Variants in TRIP11 observed in about 807,000 individuals in gnomAD.
TRIP11 encodes the protein thyroid hormone receptor interactor 11, also known as thyroid receptor-interacting protein 11.
Under a neutral mutation model 223.1 loss-of-function variants are expected in TRIP11, and 148 were observed. The ratio of observed to expected loss-of-function variants is 0.66; its 90% CI spans 0.58 to 0.76. TRIP11 has a LOEUF of 0.76. Ranked by LOEUF, TRIP11 falls within the 30% of genes least tolerant of loss-of-function variation. The pLI, the probability that TRIP11 is intolerant of heterozygous loss-of-function variation, is 0.00. For synonymous variants in TRIP11, 762 were observed against 772.6 expected (o/e 0.99, Z 0.23); for missense variants, 2,043 against 2,222.0 (o/e 0.92, Z 1.62).
chr14:91,974,655 C>T lies in TRIP11; in HGVS notation c.5546G>A (p.Arg1849Lys), dbSNP rs1179352127. The T allele has an allele frequency of 2.5e-6, 4 of 1,612,428 alleles. No individual in the cohort carries two copies. Among genetic ancestry groups the T allele is most frequent in the Admixed American group, 3.3e-5 (2 of 60,006 alleles). ...GSKSVPNTPL[R>K]PNQQSVVNSS... ...ATTAACCACAGATTGCTGATTTGGTCTCAAAGGTGTGTTGGGAACACTTTT... is the reference window on the plus strand; with the variant it reads ...ATTAACCACAGATTGCTGATTTGGTTTCAAAGGTGTGTTGGGAACACTTTT... The change falls in exon 19 of 21, where the codon AGA (arginine) becomes AAA (lysine). Residue 1849 changes from arginine to lysine, a missense_variant. By Grantham distance (26) the Arg-to-Lys change is conservative. Transcript: ENST00000267622.
chr14:92,018,097 CTTTT>C (rs560446477), intron 4 of TRIP11, among the ~76,000 whole-genome samples: 1 of 139,294 alleles, frequency 7.2e-6, no homozygotes, highest in Admixed American at 7.2e-5. Flanking sequence ...TTTTTCCTTT[CTTTT>C]TTTTTTTTTT....
chr14:92,014,579 T>C lies in TRIP11; in HGVS notation c.824-2A>G. The C allele has an allele frequency of 6.2e-7, 1 of 1,601,862 alleles. No homozygotes were observed. The highest frequency in any genetic ancestry group is 1.1e-5 in the South Asian group (1 of 89,904). On this transcript the variant is annotated splice_acceptor_variant, in intron 6 of 20. Coordinates refer to ENST00000267622, the MANE Select transcript of TRIP11 (RefSeq NM_004239.4). LOFTEE classifies it high-confidence loss of function. ...CAGTTTCTATAACTCCAGAGCCACCTAGAACATAAACACAAAACAATGACA... is the reference window on the plus strand; with the variant it reads ...CAGTTTCTATAACTCCAGAGCCACCCAGAACATAAACACAAAACAATGACA...
In TRIP11 at chr14:92,007,850, T is replaced by C. The variant is rs1260783301; in HGVS notation, c.1317A>G (p.Glu439=). The change falls in exon 10 of 21, where the codon GAA becomes GAG. Residue 439 remains glutamate, a splice_region_variant and synonymous_variant. Transcript: ENST00000267622. The stretch of plus-strand genomic sequence containing the variant: ...ATTTTAAAAGTGACATCTGAAGTTC[T>C]TCCTGAAATGATAAAAGGAAAAAAG... ...KEKSLLSQEK[E]ELQMSLLKLN... The C allele has an allele frequency of 1.9e-6, 3 of 1,604,222 alleles. No individual in the cohort carries two copies. The highest frequency in any genetic ancestry group is 1.7e-5 in the Admixed American group (1 of 58,770).
intron 2 of TRIP11, among the ~76,000 whole-genome samples, chr14:92,025,698 GA>G (rs2057175732): frequency 6.6e-6 from 1 of 152,024 alleles, no homozygotes; most frequent in African/African-American, 2.4e-5. Context: ...CCAACATAGG[GA>G]AACCCCATCT....
chr14:91,993,305 C>T (rs1793225187), intron 15 of TRIP11, among the ~76,000 whole-genome samples: 1 of 151,524 alleles, frequency 6.6e-6, no homozygotes, highest in South Asian at 2.1e-4. Flanking sequence ...GGTGAAACCC[C>T]ATCTCTATTA....
At chr14:92,014,748 A>T (rs180899166) in intron 6 of TRIP11, among the ~76,000 whole-genome samples, 171 bp from the exon 7 acceptor site, 2 of 152,334 alleles carry the variant, frequency 1.3e-5, no homozygotes, top group Non-Finnish European at 2.9e-5. Context: ...AAAATATTTG[A>T]ATCAACTACA....
At chr14:92,026,708 T>G (rs2057192488) in intron 2 of TRIP11, 1 of 1,018,170 alleles carries the variant, frequency 9.8e-7, no homozygotes, top group East Asian at 2.4e-5. Context: ...GACAATGAAG[T>G]AGATGAAGAA....
At chr14:91,991,633 T>G (rs139878988) in intron 15 of TRIP11, among the ~76,000 whole-genome samples, 1,710 of 152,338 alleles carry the variant, frequency 0.011, 15 homozygotes, top group Non-Finnish European at 0.017. Flanking sequence ...AAAACTCTTG[T>G]ATGTTTAGAA....
rs1196056752 is a variant in TRIP11 at position 91,966,625 on chromosome 14, A to G, written c.*3048T>C. 9.3e-6 allele frequency: 2 copies of G among 215,456 alleles called. No homozygotes were observed. The highest frequency in any genetic ancestry group is 1.9e-5 in the Non-Finnish European group (2 of 106,876). 13.3% of individuals were successfully genotyped at this position (215,456 alleles called of 1,614,324 possible). A position where few individuals can be genotyped will look rare whatever the true frequency, so the allele number is the denominator to read the frequency against. The stretch of plus-strand genomic sequence containing the variant: ...AAGGCTTTATTTGGGGAGATACTGG[A>G]CGTTTTAATTGACTAGTTGGAAAGA... On this transcript the variant is annotated 3_prime_UTR_variant, in exon 21 of 21. Coordinates refer to ENST00000267622, the MANE Select transcript of TRIP11 (RefSeq NM_004239.4).
chr14:92,029,589 C>T (rs1470147971), intron 2 of TRIP11, among the ~76,000 whole-genome samples: 2 of 150,432 alleles, frequency 1.3e-5, no homozygotes, highest in African/African-American at 4.9e-5. Flanking sequence ...TCATGGATTA[C>T]AGGCGTGAGC....
At position 92,004,582 on chromosome 14, in the gene TRIP11, C is replaced by T; in HGVS notation, c.3394G>A (p.Ala1132Thr). ...TTTTCATCTTGCAGTTTGATAAGAG[C>T]TGCTTCCTTGGCAGCAACAATATCC... ...MMDIVAAKEAALIKLQDENKK... is the reference protein window; with the variant it reads ...MMDIVAAKEATLIKLQDENKK... Residue 1132 changes from alanine to threonine, a missense_variant, in exon 11 of 21, where the codon GCT (alanine) becomes ACT (threonine). Ala to Thr is a moderately conservative substitution (Grantham distance 58, BLOSUM62 0). Transcript: ENST00000267622. 6.2e-7 allele frequency: 1 copy of T among 1,613,986 alleles called. No individual in the cohort carries two copies. Among genetic ancestry groups the T allele is most frequent in the Non-Finnish European group, 8.5e-7 (1 of 1,179,990 alleles).
At chr14:92,021,123 TG>T (rs113240831) in intron 4 of TRIP11, among the ~76,000 whole-genome samples, 3,027 of 150,080 alleles carry the variant, frequency 0.02, 106 homozygotes, top group African/African-American at 0.069. Context: ...CCAGGCGCAG[TG>T]GCTCACACTT....
At position 92,025,466 on chromosome 14, in the gene TRIP11, T is replaced by C. The variant is rs370214370; in HGVS notation, c.202-46A>G. On this transcript the variant is annotated intron_variant, in intron 2 of 20. Coordinates refer to ENST00000267622, the MANE Select transcript of TRIP11 (RefSeq NM_004239.4). Reference sequence around the variant, plus strand: ...CAACAAAAAGACTGCAAGTAAAACATGTAATTAGTTATGTGCACAGCATTA... The same window carrying C: ...CAACAAAAAGACTGCAAGTAAAACACGTAATTAGTTATGTGCACAGCATTA... 5.9e-6 allele frequency: 8 copies of C among 1,364,836 alleles called. No homozygotes were observed. In the African/African-American group the frequency reaches 7.2e-5, roughly 12 times the overall value. The allele number at this position is 1,364,836 out of a possible 1,614,324, so 84.5% of individuals were successfully genotyped here. A position where few individuals can be genotyped will look rare whatever the true frequency, so the allele number is the denominator to read the frequency against.
In TRIP11 at chr14:91,969,851, G is replaced by C. The variant is rs368950450; in HGVS notation, c.5762C>G (p.Pro1921Arg). ...SRSGRRTDVN[P>R]FLAPRSAAVP... ...AGCTGCCGAGCGAGGAGCCAAAAAC[G>C]GATTTACATCTGTTCTTCTACCAGA... Residue 1921 changes from proline to arginine, a missense_variant, in exon 21 of 21, where the codon CCG becomes CGG. By Grantham distance (103) the Pro-to-Arg change is moderately radical. Transcript: ENST00000267622. 1 of 1,614,068 alleles carries C rather than the reference G, an allele frequency of 6.2e-7. No homozygotes were observed. Among genetic ancestry groups the C allele is most frequent in the Middle Eastern group, 1.6e-4 (1 of 6,062 alleles).
intron 7 of TRIP11, among the ~76,000 whole-genome samples, chr14:92,013,254 G>A (rs553606402): frequency 4.6e-5 from 7 of 152,132 alleles, no homozygotes; most frequent in East Asian, 1.9e-4. Context: ...GCTACAGAGC[G>A]AGACTCTGTC....
intron 11 of TRIP11, 27 bp from the exon 12 acceptor site, chr14:92,000,135 TAA>T: frequency 6.2e-7 from 1 of 1,612,822 alleles, no homozygotes; most frequent in Non-Finnish European, 8.5e-7. Context: ...ATTTTAGCTT[TAA>T]AAAACACACA....
rs2056924411 is a variant in TRIP11 at position 92,007,812 on chromosome 14, T to C, written c.1355A>G (p.Tyr452Cys). The change falls in exon 10 of 21, where the codon TAT becomes TGT. Residue 452 changes from tyrosine (Y) to cysteine (C), a missense_variant. Coordinates refer to ENST00000267622, the MANE Select transcript of TRIP11 (RefSeq NM_004239.4). Reference sequence around the variant, plus strand: ...TGTAGCTGTACTTTTAATTACTTCATATTCATTGTTCAATTTTAAAAGTGA... The same window carrying C: ...TGTAGCTGTACTTTTAATTACTTCACATTCATTGTTCAATTTTAAAAGTGA... ...QMSLLKLNNE[Y>C]EVIKSTATRD... The C allele has an allele frequency of 6.2e-7, 1 of 1,612,880 alleles. No homozygotes were observed. The highest frequency in any genetic ancestry group is 2.2e-5 in the East Asian group (1 of 44,774).
chr14:92,010,794 C>T lies in TRIP11; in HGVS notation c.1314+192G>A, dbSNP rs528090591. 2.0e-5 allele frequency among the ~76,000 whole-genome samples: 3 copies of T among 152,028 alleles called. No homozygotes were observed. The East Asian group carries it at 5.8e-4, about 30-fold the overall frequency. On this transcript the variant is annotated intron_variant, in intron 9 of 20. Transcript: ENST00000267622. ...CTACTAGCTTATTTCTAAATACGAACTCAAGCCAGCCACTTATACTCTGAA... is the reference window on the plus strand; with the variant it reads ...CTACTAGCTTATTTCTAAATACGAATTCAAGCCAGCCACTTATACTCTGAA...
rs1012789855 is a variant in TRIP11, at chr14:92,039,914, G to A, written c.-229C>T. The A allele has an allele frequency of 1.3e-6, 1 of 756,684 alleles. No individual in the cohort carries two copies. Among genetic ancestry groups the A allele is most frequent in the East Asian group, 2.8e-5 (1 of 35,936 alleles). 46.9% of individuals were successfully genotyped at this position (756,684 alleles called of 1,614,324 possible). ...TCTAGTGACACAGTCACCTACGGAG[G>A]GCCTTCTGCTCATTCCCACGAATTC... is the stretch of plus-strand genomic sequence containing the variant. On this transcript the variant is annotated 5_prime_UTR_variant, in exon 1 of 21. Transcript: ENST00000267622.
Sources: allele counts gnomAD v4.1 joint callset (sites outside exome capture counted in the v4.1 genomes callset), GRCh38; gene constraint gnomAD v4.1.1; transcripts MANE v1.5; gene names NCBI Gene and HGNC (gene_info 2026-07-23, HGNC 2026-07-21).